LIFR: variants seen among roughly 807,000 people sequenced by gnomAD.
The protein encoded by LIFR is leukemia inhibitory factor receptor.
LIFR carries 84 observed loss-of-function variants against 122.2 expected under a neutral mutation model. That is an observed-to-expected ratio of 0.69 (90% CI 0.58 to 0.82). The LOEUF (loss-of-function observed/expected upper bound fraction) is 0.82. Ranked by LOEUF, LIFR falls within the 40% of genes least tolerant of loss-of-function variation. The pLI, the probability that LIFR is intolerant of heterozygous loss-of-function variation, is 0.00. For missense variants in LIFR, 1,294 were observed against 1,311.6 expected (o/e 0.99, Z 0.21); for synonymous variants, 422 against 434.7 (o/e 0.97, Z 0.36).
chr5:38,504,042 G>C lies in LIFR; in HGVS notation c.1371C>G (p.Gly457=), dbSNP rs749798904. Residue 457 remains glycine (G), a synonymous_variant, in exon 10 of 20, where the codon GGC becomes GGG. Transcript: ENST00000453190. The part of the protein sequence containing the change: ...TAVKLSWHLP[G]NFAKINFLCE... ...ATAAAAAATTAATCTTTGCAAAGTT[G>C]CCTGGTAAATGCCAAGAAAGTTTAA... is the stretch of plus-strand genomic sequence containing the variant. The C allele has an allele frequency of 6.3e-7, 1 of 1,590,066 alleles. No individual in the cohort carries two copies. Among genetic ancestry groups the C allele is most frequent in the Middle Eastern group, 1.7e-4 (1 of 6,016 alleles).
At chr5:38,495,595 T>C (rs1328038540) in intron 13 of LIFR, among the ~76,000 whole-genome samples, 2 of 152,168 alleles carry the variant, frequency 1.3e-5, no homozygotes, top group East Asian at 1.9e-4. Flanking sequence ...GAAAGCTACT[T>C]AGAGGACCCT....
rs750749410 is a variant in LIFR, at chr5:38,544,404, T to C, written c.-20+11930A>G. ...GCTTCCAGTCTCCTCCAGGGCCTTC[T>C]TCCATTCCTCACATGCACCAAGCTT... On this transcript the variant is annotated intron_variant, in intron 1 of 19. Transcript: ENST00000453190. Among the ~76,000 whole-genome samples, 3 of 152,134 alleles carry C rather than the reference T, an allele frequency of 2.0e-5. 1 individual carries two copies. Among genetic ancestry groups the C allele is most frequent in the South Asian group, 4.2e-4 (2 of 4,814 alleles).
upstream of LIFR, among the ~76,000 whole-genome samples, chr5:38,561,074 A>G (rs1748822053): frequency 6.6e-6 from 1 of 152,180 alleles, no homozygotes; most frequent in East Asian, 1.9e-4. Flanking sequence ...GGGGAAATGA[A>G]GGTTTGCATA....
At chr5:38,605,962 T>A (rs1395021876) in intron 2 of LIFR, among the ~76,000 whole-genome samples, 1 of 152,208 alleles carries the variant, frequency 6.6e-6, no homozygotes, top group East Asian at 1.9e-4. Context: ...CGTCAGGACC[T>A]CCTGAGGAAG....
At position 38,477,803 on chromosome 5, in the gene LIFR, T is replaced by A; in HGVS notation, c.*3792A>T. ...AAAATTAGTTACTGAGCTTTCACGA[T>A]GTGCCTAGTCTTTGTAGCTAATAAT... On this transcript the variant is annotated 3_prime_UTR_variant, in exon 20 of 20. Transcript: ENST00000453190. 2 of 218,418 alleles carry A rather than the reference T, an allele frequency of 9.2e-6. No homozygotes were observed. Among genetic ancestry groups the A allele is most frequent in the Non-Finnish European group, 1.8e-5 (2 of 108,342 alleles). The allele number at this position is 218,418 out of a possible 1,614,324, so 13.5% of individuals were successfully genotyped here.
chr5:38,510,446 T>C lies in LIFR; in HGVS notation c.991+18A>G, dbSNP rs1191581701. 2 of 1,611,214 alleles carry C rather than the reference T, an allele frequency of 1.2e-6. No individual in the cohort carries two copies. Among genetic ancestry groups the C allele is most frequent in the African/African-American group, 2.7e-5 (2 of 74,918 alleles). On this transcript the variant is annotated intron_variant, in intron 7 of 19. Coordinates refer to ENST00000453190, the MANE Select transcript of LIFR (RefSeq NM_001127671.2). ...AAACAGGTTAATAGGAATTCTCTCT[T>C]TAAAATCATATACTTACATCCAGCA... is the stretch of plus-strand genomic sequence containing the variant.
At chr5:38,563,096 G>A (rs572888525) in intron 1 of LIFR, among the ~76,000 whole-genome samples, 1 of 152,266 alleles carries the variant, frequency 6.6e-6, no homozygotes, top group African/African-American at 2.4e-5. Context: ...TAAGGTAACT[G>A]AGGACGCCAC....
At chr5:38,551,882 T>C (rs1250655888) in intron 1 of LIFR, among the ~76,000 whole-genome samples, 1 of 152,250 alleles carries the variant, frequency 6.6e-6, no homozygotes, top group Non-Finnish European at 1.5e-5. Context: ...ATGCATGTGT[T>C]GTCATTTTAG....
At chr5:38,523,361 A>T in intron 5 of LIFR, 58 bp downstream of exon 5, 2 of 1,432,072 alleles carry the variant, frequency 1.4e-6, no homozygotes, top group Non-Finnish European at 1.9e-6. Context: ...AAGGCTTCTT[A>T]AAAAAAATTA....
chr5:38,548,590 G>C (rs1748021523), intron 1 of LIFR, among the ~76,000 whole-genome samples: 1 of 152,130 alleles, frequency 6.6e-6, no homozygotes, highest in Admixed American at 6.5e-5. Flanking sequence ...GCCTGTTAAA[G>C]AAAAGGCACT....
intron 1 of LIFR, among the ~76,000 whole-genome samples, chr5:38,539,868 G>A (rs1022956724): frequency 2.0e-5 from 3 of 152,054 alleles, no homozygotes; most frequent in South Asian, 4.1e-4. Context: ...TTAAGGAGCA[G>A]CCACTTTTCT....
At chr5:38,564,317 G>C (rs975623510) in intron 1 of LIFR, among the ~76,000 whole-genome samples, 26 of 151,842 alleles carry the variant, frequency 1.7e-4, no homozygotes, top group African/African-American at 6.1e-4. Context: ...TGACCTCCTG[G>C]GTTCAGGTGA....
chr5:38,551,186 G>T (rs1304051785), intron 1 of LIFR, among the ~76,000 whole-genome samples: 2 of 152,142 alleles, frequency 1.3e-5, no homozygotes, highest in Admixed American at 6.5e-5. Flanking sequence ...CTTCACCTTT[G>T]TACTGCATTA....
intron 18 of LIFR, among the ~76,000 whole-genome samples, chr5:38,482,931 A>C (rs891298688): frequency 2.0e-5 from 3 of 152,212 alleles, no homozygotes; most frequent in Non-Finnish European, 4.4e-5. Context: ...CAAGTAATTA[A>C]AATTGTGGCT....
chr5:38,588,278 C>A (rs1307817372), intron 1 of LIFR, among the ~76,000 whole-genome samples: 1 of 152,114 alleles, frequency 6.6e-6, no homozygotes, highest in African/African-American at 2.4e-5. Context: ...TCTGGGAAAC[C>A]AAACTCTCAG....
chr5:38,515,626 T>A (rs1231067672), intron 5 of LIFR, among the ~76,000 whole-genome samples: 1 of 133,146 alleles, frequency 7.5e-6, no homozygotes, highest in Admixed American at 8.0e-5. Context: ...CAGAGAGAAA[T>A]GAGGCGGTGG....
At position 38,537,632 on chromosome 5, in the gene LIFR, C is replaced by T. The variant is rs186124098; in HGVS notation, c.-19-6966G>A. Among the ~76,000 whole-genome samples the T allele has an allele frequency of 2.0e-5, 3 of 151,280 alleles. No individual in the cohort carries two copies. In the Admixed American group the frequency reaches 2.0e-4, roughly 10 times the overall value. On this transcript the variant is annotated intron_variant, in intron 1 of 19. Transcript: ENST00000453190. ...AAAAGAAACAGGAACATCTCCATTT[C>T]CCAGTACTTCTCACTAATACCAAGG...
intron 1 of LIFR, chr5:38,579,625 A>G (rs1350072301): frequency 1.3e-5 from 2 of 152,124 alleles, no homozygotes; most frequent in Non-Finnish European, 2.9e-5. Flanking sequence ...TTTCCATGGA[A>G]CATTTTCCAA....
chr5:38,603,063 C>T (rs768089841), intron 2 of LIFR, among the ~76,000 whole-genome samples: 7 of 152,124 alleles, frequency 4.6e-5, no homozygotes, highest in Non-Finnish European at 8.8e-5. Context: ...GGGCCGCCCA[C>T]CCGAAGGAAA....
Sources: gnomAD v4.1 joint callset for allele counts (sites outside exome capture counted in the v4.1 genomes callset) on GRCh38, gnomAD v4.1.1 for gene constraint, MANE v1.5 for transcripts, NCBI Gene and HGNC (gene_info 2026-07-23, HGNC 2026-07-21) for gene names.